The following SS18L1 variants were observed in gnomAD, a reference collection of about 807,000 sequenced individuals.
SS18L1 encodes SS18L1 subunit of BAF chromatin remodeling complex, also known as calcium-responsive transactivator.
A neutral mutation model predicts 70.3 loss-of-function variants in SS18L1; 32 were observed. That is an observed-to-expected ratio of 0.46 (90% confidence interval 0.34 to 0.61). SS18L1 has a LOEUF of 0.61. SS18L1 is among the 20% of genes least tolerant of loss of function. SS18L1 has a pLI of 0.01. For synonymous variants in SS18L1, 237 were observed against 229.7 expected (o/e 1.03, Z -0.29); for missense variants, 430 against 542.1 (o/e 0.79, Z 2.05).
intron 8 of SS18L1, among the ~76,000 whole-genome samples, chr20:62,172,358 G>A (rs1292863879): frequency 1.3e-5 from 2 of 151,358 alleles, no homozygotes; most frequent in East Asian, 3.9e-4. Context: ...TATCTGCAAA[G>A]ACCCTATGTC....
chr20:62,151,504 A>G (rs964543308), intron 1 of SS18L1, among the ~76,000 whole-genome samples: 4 of 152,170 alleles, frequency 2.6e-5, no homozygotes, highest in African/African-American at 9.7e-5. Context: ...GCCACCCCTC[A>G]GAGCCTGAGA....
At chr20:62,179,056 A>C in intron 10 of SS18L1, 126 bp from the exon 11 acceptor site, 10 of 1,008,460 alleles carry the variant, frequency 9.9e-6, no homozygotes, top group Non-Finnish European at 1.1e-5. Flanking sequence ...GCTGCCCCGC[A>C]GAGATGTGAG....
chr20:62,166,943 A>AT (rs1052287484), intron 8 of SS18L1, among the ~76,000 whole-genome samples: 2 of 151,404 alleles, frequency 1.3e-5, no homozygotes, highest in African/African-American at 4.9e-5. Flanking sequence ...ATAAAAAGAA[A>AT]TAAAAAAAAG....
chr20:62,156,998 T>C (rs2057234414), intron 1 of SS18L1, among the ~76,000 whole-genome samples: 1 of 152,236 alleles, frequency 6.6e-6, no homozygotes, highest in Non-Finnish European at 1.5e-5. Context: ...CAGAGGCAGC[T>C]GGTCACAGGG....
intron 1 of SS18L1, among the ~76,000 whole-genome samples, chr20:62,147,869 G>A (rs1246489033): frequency 6.6e-6 from 1 of 152,130 alleles, no homozygotes; most frequent in African/African-American, 2.4e-5. Flanking sequence ...ATGGGCAAGG[G>A]GCGCACTTCT....
At position 62,159,413 on chromosome 20, in the gene SS18L1, C is replaced by T. The variant is rs534720130; in HGVS notation, c.147-464C>T. Among the ~76,000 whole-genome samples, 109 of 152,258 alleles carry T rather than the reference C, an allele frequency of 7.2e-4. No homozygotes were observed. Among genetic ancestry groups the T allele is most frequent in the African/African-American group, 2.6e-3 (107 of 41,564 alleles). On this transcript the variant is annotated intron_variant, in intron 2 of 10. Transcript: ENST00000331758. The surrounding 1 kb of genome is among the most constrained non-coding windows in gnomAD (Gnocchi z 4.4). ...TGGGTCCCCACTGGTGCGAGGTATA[C>T]GAGGGGCCTTCCCTGGCAGAACTGT...
intron 1 of SS18L1, among the ~76,000 whole-genome samples, chr20:62,157,140 C>A (rs997329232): frequency 6.6e-6 from 1 of 152,300 alleles, no homozygotes; most frequent in Non-Finnish European, 1.5e-5. Context: ...TGTGCCTGCT[C>A]CCCACGGCCT....
intron 9 of SS18L1, among the ~76,000 whole-genome samples, chr20:62,173,300 G>A (rs1405659096): frequency 1.3e-5 from 2 of 152,136 alleles, no homozygotes; most frequent in Non-Finnish European, 2.9e-5. Context: ...GTCTTTTGTT[G>A]GAGCAAGATC....
chr20:62,150,705 G>A (rs1449659977), intron 1 of SS18L1, among the ~76,000 whole-genome samples: 1 of 131,782 alleles, frequency 7.6e-6, no homozygotes, highest in Non-Finnish European at 1.5e-5. Flanking sequence ...CCAGGCTGAG[G>A]TGCAGTAACG....
intron 10 of SS18L1, among the ~76,000 whole-genome samples, chr20:62,175,698 T>G (rs2057609015): frequency 6.6e-6 from 1 of 152,250 alleles, no homozygotes; most frequent in Non-Finnish European, 1.5e-5. Context: ...AAGTTTGTTT[T>G]TCTCAGGGAA....
rs1183627860 is a variant in SS18L1 at position 62,174,438 on chromosome 20, A to C, written c.1037-79A>C. On this transcript the variant is annotated intron_variant, in intron 9 of 10. Transcript: ENST00000331758. The surrounding 1 kb of genome is among the most constrained non-coding windows in gnomAD (Gnocchi z 4.1). ...TTTTCAAGGAGAAGAGGAAGTTTTA[A>C]AAAAAATTTTTAAGTTAAGAAAAAA... 6.5e-7 allele frequency: 1 copy of C among 1,538,702 alleles called. No homozygotes were observed. The highest frequency in any genetic ancestry group is 1.4e-5 in the African/African-American group (1 of 71,430).
intron 8 of SS18L1, among the ~76,000 whole-genome samples, chr20:62,168,318 T>G (rs1162388904): frequency 6.6e-6 from 1 of 152,198 alleles, no homozygotes; most frequent in South Asian, 2.1e-4. Flanking sequence ...GGTGACACTT[T>G]ACCCTACAGC....
chr20:62,165,653 A>G (rs571285166), intron 8 of SS18L1, 139 bp downstream of exon 8: 4 of 817,744 alleles, frequency 4.9e-6, no homozygotes, highest in Non-Finnish European at 7.8e-6. Context: ...GAGGAGAGAC[A>G]GTGTGTTCTG....
chr20:62,169,134 G>A (rs2057485211), intron 8 of SS18L1, among the ~76,000 whole-genome samples: 1 of 152,230 alleles, frequency 6.6e-6, no homozygotes, highest in South Asian at 2.1e-4. Context: ...ACGCATACTG[G>A]ACAGAGCGCA....
intron 7 of SS18L1, 57 bp downstream of exon 7, chr20:62,164,303 A>G (rs1385731971): frequency 1.1e-6 from 1 of 914,308 alleles, no homozygotes; most frequent in East Asian, 4.1e-5. Flanking sequence ...TGCAGGGGCA[A>G]GGAGGGCAAG....
Position 62,181,335 on chromosome 20 carries a change from T to A in SS18L1, c.*2127T>A, listed in dbSNP as rs2057705036. On this transcript the variant is annotated 3_prime_UTR_variant, in exon 11 of 11. Coordinates refer to ENST00000331758, the MANE Select transcript of SS18L1 (RefSeq NM_198935.3). ...GAGTCATCTCCCTTGATTGTGTTCT[T>A]TTCCTGTCAATTTTCATAGACCTAA... The A allele has an allele frequency of 4.8e-6, 1 of 208,428 alleles. No individual in the cohort carries two copies. Among genetic ancestry groups the A allele is most frequent in the Non-Finnish European group, 9.8e-6 (1 of 102,164 alleles). The allele number at this position is 208,428 out of a possible 1,614,324, so 12.9% of individuals were successfully genotyped here. A position where few individuals can be genotyped will look rare whatever the true frequency, so the allele number is the denominator to read the frequency against.
chr20:62,170,091 C>G (rs2057503691), intron 8 of SS18L1, among the ~76,000 whole-genome samples: 1 of 152,160 alleles, frequency 6.6e-6, no homozygotes, highest in African/African-American at 2.4e-5. Context: ...CTCATTGTGT[C>G]CACATCTTGC....
rs1467942516 is a variant in SS18L1 at position 62,163,537 on chromosome 20, G to C, written c.636G>C (p.Ser212=). The change falls in exon 6 of 11, where the codon TCG becomes TCC. Residue 212 remains serine (S), a synonymous_variant. Coordinates refer to ENST00000331758, the MANE Select transcript of SS18L1 (RefSeq NM_198935.3). ...QGGSQHYQGQ[S]SIAMMGQGSQ... ...GCAGCCAGCACTACCAGGGCCAGTC[G>C]TCCATCGCCATGATGGGGCAGGGCA... is the stretch of plus-strand genomic sequence containing the variant. 1.9e-6 allele frequency: 3 copies of C among 1,611,616 alleles called. No individual in the cohort carries two copies. The highest frequency in any genetic ancestry group is 2.5e-6 in the Non-Finnish European group (3 of 1,179,774).
chr20:62,148,855 C>G (rs2057078791), intron 1 of SS18L1, among the ~76,000 whole-genome samples: 1 of 152,262 alleles, frequency 6.6e-6, no homozygotes, highest in Non-Finnish European at 1.5e-5. Flanking sequence ...GATAAAGACA[C>G]TGTGCCTGCC....
Sources: allele counts gnomAD v4.1 joint callset (sites outside exome capture counted in the v4.1 genomes callset), GRCh38; gene constraint gnomAD v4.1.1; non-coding constraint Gnocchi (gnomAD v3.1); transcripts MANE v1.5; gene names NCBI Gene and HGNC (gene_info 2026-07-23, HGNC 2026-07-21).